LIMA1: variants seen among roughly 807,000 people sequenced by gnomAD.
LIMA1 encodes LIM domain and actin binding 1, also known as LIM domain and actin-binding protein 1.
A neutral mutation model predicts 62.6 loss-of-function variants in LIMA1; 52 were observed. The observed-to-expected ratio is 0.83, with a 90% CI of 0.67 to 1.05. The LOEUF is 1.05. Ranked by LOEUF, LIMA1 falls within the 50% of genes least tolerant of loss-of-function variation. The probability of loss-of-function intolerance (pLI) is 0.00; values close to 1 mark genes in which losing one functional copy is unlikely to be tolerated. For synonymous variants in LIMA1, 302 were observed against 317.8 expected (o/e 0.95, Z 0.53); for missense variants, 780 against 902.2 (o/e 0.86, Z 1.74).
At chr12:50,226,394 G>A (rs1272067430) in intron 3 of LIMA1, among the ~76,000 whole-genome samples, 1 of 152,038 alleles carries the variant, frequency 6.6e-6, no homozygotes, top group East Asian at 1.9e-4. Context: ...AAAAGCACTG[G>A]AGGCTTCTGC....
chr12:50,199,339 C>A (rs1350141240), intron 7 of LIMA1, among the ~76,000 whole-genome samples: 1 of 152,020 alleles, frequency 6.6e-6, no homozygotes, highest in Non-Finnish European at 1.5e-5. Flanking sequence ...TCCAAACAAA[C>A]AAACAATCCC....
At chr12:50,270,956 G>A (rs1293154967) in intron 1 of LIMA1, among the ~76,000 whole-genome samples, 1 of 152,154 alleles carries the variant, frequency 6.6e-6, no homozygotes, top group South Asian at 2.1e-4. Flanking sequence ...GCCGGGCGTG[G>A]TGGCGGGTGC....
rs1487844760 is a variant in LIMA1, at chr12:50,181,966, C to T, written c.1212G>A (p.Leu404=). 1.2e-6 allele frequency: 2 copies of T among 1,613,716 alleles called. No homozygotes were observed. Among genetic ancestry groups the T allele is most frequent in the South Asian group, 1.1e-5 (1 of 91,056 alleles). ...QKTVYPMERL[L]ANQQVFHISC... ...TGATGTGAAACACCTGCTGGTTGGC[C>T]AAGAGACGCTCCATTGGATAGACTG... The change falls in exon 10 of 11, where the codon TTG becomes TTA. Residue 404 remains leucine, a synonymous_variant. Coordinates refer to ENST00000341247, the MANE Select transcript of LIMA1 (RefSeq NM_016357.5).
chr12:50,227,237 CTTTTT>C lies in LIMA1; in HGVS notation c.165+4423_165+4427del, dbSNP rs199650468. Among the ~76,000 whole-genome samples, 77 of 123,998 alleles carry C rather than the reference CTTTTT, an allele frequency of 6.2e-4. No homozygotes were observed. In the East Asian group the frequency reaches 6.3e-3, roughly 10 times the overall value. The allele number at this position is 123,998 out of a possible 152,430, so 81.3% of individuals were successfully genotyped here. A position where few individuals can be genotyped will look rare whatever the true frequency, so the allele number is the denominator to read the frequency against. ...AAGTCTTCACTTTCTTTTTTCTTTT[CTTTTT>C]TTTTTTTTTTTTTTGAGATGGAGTC... On this transcript the variant is annotated intron_variant, in intron 3 of 10. Coordinates refer to ENST00000341247, the MANE Select transcript of LIMA1 (RefSeq NM_016357.5).
At chr12:50,205,406 A>G (rs1229053667) in intron 5 of LIMA1, among the ~76,000 whole-genome samples, 1 of 152,120 alleles carries the variant, frequency 6.6e-6, no homozygotes, top group Non-Finnish European at 1.5e-5. Flanking sequence ...TTTAACATGA[A>G]AAAGAAGAGA....
intron 9 of LIMA1, among the ~76,000 whole-genome samples, chr12:50,184,353 G>C (rs1308078302): frequency 7.2e-5 from 11 of 152,198 alleles, no homozygotes; most frequent in African/African-American, 2.7e-4. Flanking sequence ...CTAGGTAGGA[G>C]ATACACTGGC....
chr12:50,222,402 T>G lies in LIMA1; in HGVS notation c.249A>C (p.Ala83=), dbSNP rs955600272. 4 of 1,614,054 alleles carry G rather than the reference T, an allele frequency of 2.5e-6. No individual in the cohort carries two copies. The highest frequency in any genetic ancestry group is 1.7e-5 in the Admixed American group (1 of 59,992). The change falls in exon 4 of 11, where the codon GCA becomes GCC. Residue 83 remains alanine (A), a synonymous_variant. Coordinates refer to ENST00000341247, the MANE Select transcript of LIMA1 (RefSeq NM_016357.5). ...KKKWENPGLG[A]ESHTDSLRNS... is the part of the protein sequence containing the mutation. ...TCCGTAGAGAGTCTGTGTGAGACTC[T>G]GCTCCCAGCCCTGGGTTCTCCCACT...
Position 50,222,488 on chromosome 12 carries a change from A to G in LIMA1, c.166-3T>C, listed in dbSNP as rs1941461834. 7 of 1,613,870 alleles carry G rather than the reference A, an allele frequency of 4.3e-6. No individual in the cohort carries two copies. The South Asian group carries it at 7.7e-5, about 18-fold the overall frequency. On this transcript the variant is annotated splice_region_variant and splice_polypyrimidine_tract_variant and intron_variant, in intron 3 of 10. Transcript: ENST00000341247. ...TGCTGGGAGAGATTTTCGGTGTTCT[A>G]GAAGAACAAGAAGTAGATGCCAGTT...
chr12:50,217,663 C>G (rs1480307821), intron 4 of LIMA1: 3 of 218,562 alleles, frequency 1.4e-5, no homozygotes, highest in Non-Finnish European at 2.8e-5. Flanking sequence ...GCTTCATGAC[C>G]TTGATTTCTG....
At chr12:50,214,051 C>CACACACACACACACACATAT (rs55904917) in intron 4 of LIMA1, among the ~76,000 whole-genome samples, 1 of 149,862 alleles carries the variant, frequency 6.7e-6, no homozygotes. Context: ...CACACACACA[C>CACACACACACACACACATAT]GAGATTACTC....
intron 3 of LIMA1, among the ~76,000 whole-genome samples, chr12:50,230,807 G>T (rs751652502): frequency 1.9e-4 from 29 of 151,366 alleles, no homozygotes; most frequent in African/African-American, 5.8e-4. Flanking sequence ...TCGATCTCTT[G>T]ACCTCGTGAT....
chr12:50,201,520 A>G (rs1244018908), intron 6 of LIMA1: 1 of 984,328 alleles, frequency 1.0e-6, no homozygotes, highest in Non-Finnish European at 1.2e-6. Flanking sequence ...TTTTATTGTC[A>G]TAAGGAATAA....
chr12:50,182,362 G>C (rs1565827074), intron 9 of LIMA1, among the ~76,000 whole-genome samples: 2 of 151,954 alleles, frequency 1.3e-5, no homozygotes, highest in Non-Finnish European at 2.9e-5. Flanking sequence ...AGGGGTCGGG[G>C]GGGGGAGTGC....
chr12:50,250,202 G>T (rs1941909445), intron 1 of LIMA1, among the ~76,000 whole-genome samples: 1 of 150,294 alleles, frequency 6.7e-6, no homozygotes, highest in Non-Finnish European at 1.5e-5. Context: ...GGAGGCTGAG[G>T]CAGGAAAATT....
intron 2 of LIMA1, among the ~76,000 whole-genome samples, chr12:50,236,300 C>CTTT (rs112036543): frequency 8.3e-6 from 1 of 120,956 alleles, no homozygotes. Context: ...ATTTTTTTTT[C>CTTT]TTTTTTTTTT....
rs71083524 is a variant in LIMA1 at position 50,261,042 on chromosome 12, A to ATTTTTTTTTTTTT, written c.-23-12281_-23-12269dup. Among the ~76,000 whole-genome samples the ATTTTTTTTTTTTT allele has an allele frequency of 2.3e-3, 126 of 54,264 alleles. 23 individuals carry two copies. Among genetic ancestry groups the ATTTTTTTTTTTTT allele is most frequent in the East Asian group, 8.0e-3 (7 of 876 alleles). The allele number at this position is 54,264 out of a possible 152,430, so 35.6% of individuals were successfully genotyped here. A position where few individuals can be genotyped will look rare whatever the true frequency, so the allele number is the denominator to read the frequency against. The stretch of plus-strand genomic sequence containing the variant: ...CTTTTGCTTTTCTGCCATCTAGTAT[A>ATTTTTTTTTTTTT]TTTTTTTTTTTTTTTTTTTTTTTTT... On this transcript the variant is annotated intron_variant, in intron 1 of 10. Coordinates refer to ENST00000341247, the MANE Select transcript of LIMA1 (RefSeq NM_016357.5).
At chr12:50,183,810 CAAAAAAAAAA>C (rs34778877) in intron 9 of LIMA1, among the ~76,000 whole-genome samples, 1 of 56,454 alleles carries the variant, frequency 1.8e-5, no homozygotes, top group African/African-American at 7.1e-5. Context: ...GACTTGGTCT[CAAAAAAAAAA>C]AAAAAAAAAA....
At chr12:50,204,495 G>A (rs1941114345) in intron 6 of LIMA1, 57 bp downstream of exon 6, 4 of 1,563,216 alleles carry the variant, frequency 2.6e-6, no homozygotes, top group Middle Eastern at 1.7e-4. Flanking sequence ...CCAGTACTCA[G>A]TGACCATCTG....
In LIMA1 at chr12:50,177,235, CTT is replaced by C; in HGVS notation, c.2107_2108del (p.Lys703ValfsTer14). The C allele has an allele frequency of 1.9e-6, 3 of 1,614,112 alleles. No individual in the cohort carries two copies. In the South Asian group the frequency reaches 3.3e-5, roughly 18 times the overall value. On this transcript the variant is annotated frameshift_variant, in exon 11 of 11. Transcript: ENST00000341247. LOFTEE classifies it high-confidence loss of function. ...FLKQQSPQEP[K>X]SLNWSSFVDN... ...CTACAAAACTCGACCAATTCAGAGA[CTT>C]GGGTTCTTGTGGAGATTGTTGTTTG...
Sources: gnomAD v4.1 joint callset for allele counts (sites outside exome capture counted in the v4.1 genomes callset) on GRCh38, gnomAD v4.1.1 for gene constraint, MANE v1.5 for transcripts, NCBI Gene and HGNC (gene_info 2026-07-23, HGNC 2026-07-21) for gene names.